The following CUBN variants were observed in gnomAD, a reference collection of about 807,000 sequenced individuals.
CUBN encodes 460 kDa receptor.
CUBN carries 282 observed loss-of-function variants against 405.3 expected under a neutral mutation model. The ratio of observed to expected loss-of-function variants is 0.70; its 90% confidence interval spans 0.63 to 0.77. The LOEUF is 0.77. CUBN is among the 30% of genes least tolerant of loss of function. The probability of loss-of-function intolerance (pLI) is 0.00; values close to 1 mark genes in which losing one functional copy is unlikely to be tolerated. For missense variants in CUBN, 4,514 were observed against 4,475.2 expected (o/e 1.01, Z -0.25); for synonymous variants, 1,684 against 1,617.0 (o/e 1.04, Z -0.99).
chr10:16,919,899 G>T, intron 44 of CUBN, 64 bp downstream of exon 44: 1 of 1,524,044 alleles, frequency 6.6e-7, no homozygotes. Context: ...GGACTGTTTT[G>T]AGACATGACG....
chr10:17,021,991 T>A (rs961103981), intron 27 of CUBN, among the ~76,000 whole-genome samples: 1 of 152,142 alleles, frequency 6.6e-6, no homozygotes, highest in Non-Finnish European at 1.5e-5. Context: ...ACGCAGTGAT[T>A]TCCCCCGCCA....
intron 35 of CUBN, among the ~76,000 whole-genome samples, chr10:16,947,726 C>T (rs1356374789): frequency 6.6e-6 from 1 of 152,240 alleles, no homozygotes; most frequent in Non-Finnish European, 1.5e-5. Flanking sequence ...AGCATGCTTG[C>T]TTTCCCTCTC....
intron 58 of CUBN, among the ~76,000 whole-genome samples, chr10:16,871,117 T>A (rs1039146375): frequency 6.6e-6 from 1 of 151,970 alleles, no homozygotes. Flanking sequence ...AACCTCTGCC[T>A]CCCTGGTTCA....
At chr10:16,835,957 G>C (rs1453570551) in intron 63 of CUBN, among the ~76,000 whole-genome samples, 1 of 152,094 alleles carries the variant, frequency 6.6e-6, no homozygotes, top group Non-Finnish European at 1.5e-5. Flanking sequence ...TAATTAATAA[G>C]ATAATTGGCA....
intron 28 of CUBN, among the ~76,000 whole-genome samples, chr10:16,991,709 T>C (rs1315946056): frequency 6.6e-6 from 1 of 152,026 alleles, no homozygotes; most frequent in Non-Finnish European, 1.5e-5. Context: ...ATCAAGGCTT[T>C]TTATGTGCGA....
At chr10:17,044,146 A>C (rs1045943246) in intron 25 of CUBN, among the ~76,000 whole-genome samples, 163 bp from the exon 26 acceptor site, 3 of 144,400 alleles carry the variant, frequency 2.1e-5, no homozygotes, top group African/African-American at 7.9e-5. Flanking sequence ...AATATTCATT[A>C]TATATAATAT....
At chr10:16,966,102 G>C (rs1843383950) in intron 31 of CUBN, 4 of 419,062 alleles carry the variant, frequency 9.5e-6, no homozygotes, top group African/African-American at 2.1e-5. Context: ...CTGGAAATAG[G>C]GTGGGAGTCC....
intron 39 of CUBN, among the ~76,000 whole-genome samples, chr10:16,935,836 T>C (rs6602166): frequency 0.36 from 50,586 of 139,652 alleles, 10,755 homozygotes; most frequent in African/African-American, 0.61. Context: ...GCCGAGATTG[T>C]GCCACTGCAC....
chr10:16,917,217 A>G (rs926343508), intron 45 of CUBN, among the ~76,000 whole-genome samples: 5 of 152,196 alleles, frequency 3.3e-5, no homozygotes, highest in African/African-American at 1.2e-4. Flanking sequence ...ACTGTGCTAA[A>G]TAGAGTTACC....
intron 40 of CUBN, among the ~76,000 whole-genome samples, chr10:16,930,535 T>G (rs949297560): frequency 6.6e-6 from 1 of 152,236 alleles, no homozygotes; most frequent in Non-Finnish European, 1.5e-5. Flanking sequence ...GGAACTAGAT[T>G]AAAGGATTAC....
At chr10:16,897,203 TACA>T (rs1220849592) in intron 54 of CUBN, among the ~76,000 whole-genome samples, 1 of 152,244 alleles carries the variant, frequency 6.6e-6, no homozygotes, top group African/African-American at 2.4e-5. Context: ...TGATTCCTGA[TACA>T]ACGTGTTCTT....
intron 64 of CUBN, among the ~76,000 whole-genome samples, chr10:16,833,081 C>G (rs557163628): frequency 6.6e-6 from 1 of 152,270 alleles, no homozygotes; most frequent in African/African-American, 2.4e-5. Context: ...CTTTGCTTCC[C>G]AGCATCTATC....
intron 27 of CUBN, among the ~76,000 whole-genome samples, chr10:17,026,898 T>A (rs531346745): frequency 6.6e-6 from 1 of 152,114 alleles, no homozygotes; most frequent in African/African-American, 2.4e-5. Flanking sequence ...CCTTGCCATG[T>A]GCTGACAGGG....
chr10:16,876,346 G>T (rs973371367), intron 57 of CUBN, among the ~76,000 whole-genome samples: 17 of 152,198 alleles, frequency 1.1e-4, no homozygotes, highest in African/African-American at 4.1e-4. Context: ...CCTCTGTCCA[G>T]TCTATTGCTC....
intron 5 of CUBN, 127 bp from the exon 6 acceptor site, chr10:17,123,025 T>C (rs1837083229): frequency 2.8e-6 from 2 of 721,580 alleles, no homozygotes; most frequent in Admixed American, 4.1e-5. Flanking sequence ...TCAAATACAA[T>C]AATACTGATA....
At chr10:16,936,810 T>C (rs116643787) in intron 39 of CUBN, among the ~76,000 whole-genome samples, 457 of 152,280 alleles carry the variant, frequency 3.0e-3, no homozygotes, top group African/African-American at 0.011. Flanking sequence ...CTCTGCCTCC[T>C]GGTTCAGGCA....
At chr10:16,948,363 G>A (rs1038010876) in intron 35 of CUBN, 115 bp downstream of exon 35, 1 of 1,375,062 alleles carries the variant, frequency 7.3e-7, no homozygotes, top group Non-Finnish European at 1.0e-6. Flanking sequence ...ATTTGGCCCA[G>A]AGGTGATCTC....
At chr10:17,113,849 C>T (rs971044753) in intron 8 of CUBN, among the ~76,000 whole-genome samples, 178 bp downstream of exon 8, 1 of 152,196 alleles carries the variant, frequency 6.6e-6, no homozygotes, top group Non-Finnish European at 1.5e-5. Flanking sequence ...GGACAAGCCT[C>T]CCCCTTTTGA....
chr10:17,070,867 T>C (rs919979144), intron 19 of CUBN, among the ~76,000 whole-genome samples: 1 of 152,216 alleles, frequency 6.6e-6, no homozygotes, highest in Admixed American at 6.5e-5. Flanking sequence ...TCTCCTTACT[T>C]AATTGCTCTA....
Sources: gnomAD v4.1 joint callset for allele counts (sites outside exome capture counted in the v4.1 genomes callset) on GRCh38, gnomAD v4.1.1 for gene constraint, MANE v1.5 for transcripts, NCBI Gene and HGNC (gene_info 2026-07-23, HGNC 2026-07-21) for gene names.